Variants in SCHIP1 observed in about 807,000 individuals in gnomAD.
SCHIP1 encodes schwannomin interacting protein 1.
Under a neutral mutation model 29.7 loss-of-function variants are expected in SCHIP1, and 8 were observed. That is an observed-to-expected ratio of 0.27 (90% CI 0.16 to 0.49). SCHIP1 has a LOEUF of 0.49. SCHIP1 is among the 20% of genes least tolerant of loss of function. The probability of loss-of-function intolerance (pLI) is 0.99; values close to 1 mark genes in which losing one functional copy is unlikely to be tolerated. For missense variants in SCHIP1, 193 were observed against 294.6 expected (o/e 0.66, Z 2.52); for synonymous variants, 76 against 94.9 (o/e 0.80, Z 1.16).
chr3:159,564,053 A>C, the SCHIP1 span, among the ~76,000 whole-genome samples: 1 of 152,098 alleles, frequency 6.6e-6, no homozygotes, highest in African/African-American at 2.4e-5. Context: ...TTCTCAGCCA[A>C]ATCATGCACT....
the SCHIP1 span, among the ~76,000 whole-genome samples, chr3:159,385,217 C>G: frequency 4.6e-5 from 7 of 152,110 alleles, no homozygotes; most frequent in African/African-American, 7.2e-5. Flanking sequence ...TAAGATCACA[C>G]CAGTTCATAA....
chr3:159,392,762 G>T, the SCHIP1 span, among the ~76,000 whole-genome samples: 1 of 151,944 alleles, frequency 6.6e-6, no homozygotes, highest in Non-Finnish European at 1.5e-5. Flanking sequence ...GAATAGAGCC[G>T]CAATAAACAT....
chr3:159,623,236 T>C, the SCHIP1 span, among the ~76,000 whole-genome samples: 1 of 152,126 alleles, frequency 6.6e-6, no homozygotes, highest in Non-Finnish European at 1.5e-5. Flanking sequence ...TAAATGTATA[T>C]AGACAAGACC....
At chr3:159,683,937 T>C in the SCHIP1 span, among the ~76,000 whole-genome samples, 1 of 152,236 alleles carries the variant, frequency 6.6e-6, no homozygotes, top group African/African-American at 2.4e-5. Flanking sequence ...TCTCTCTCTG[T>C]ATTAATCATG....
At chr3:159,868,229 T>C (rs1226341104) in intron 2 of SCHIP1, among the ~76,000 whole-genome samples, 1 of 151,686 alleles carries the variant, frequency 6.6e-6, no homozygotes, top group Non-Finnish European at 1.5e-5. Context: ...ATACTCCAGA[T>C]ATATTTATAT....
the SCHIP1 span, among the ~76,000 whole-genome samples, chr3:159,474,089 T>G: frequency 2.0e-5 from 3 of 152,154 alleles, no homozygotes; most frequent in Non-Finnish European, 4.4e-5. Context: ...TTAAGTGTAT[T>G]GATCTCCTTT....
chr3:159,657,776 G>T, the SCHIP1 span, among the ~76,000 whole-genome samples: 1 of 152,194 alleles, frequency 6.6e-6, no homozygotes, highest in African/African-American at 2.4e-5. Flanking sequence ...GGATTTGAGG[G>T]GTCCTTGGAG....
chr3:159,509,075 G>A, the SCHIP1 span, among the ~76,000 whole-genome samples: 5,636 of 152,242 alleles, frequency 0.037, 150 homozygotes, highest in South Asian at 0.077. Context: ...GGGTGTTAAA[G>A]TCTCCCATTA....
the SCHIP1 span, among the ~76,000 whole-genome samples, chr3:159,654,802 T>TAAAAAAAAAAAAAAAAAAAAAAAA: frequency 9.6e-6 from 1 of 103,806 alleles, no homozygotes; most frequent in Non-Finnish European, 2.0e-5. Flanking sequence ...TGACTTTAAG[T>TAAAAAAAAAAAAAAAAAAAAAAAA]AAAAAAAAAA....
At chr3:159,474,725 G>T in the SCHIP1 span, among the ~76,000 whole-genome samples, 1 of 152,114 alleles carries the variant, frequency 6.6e-6, no homozygotes, top group Non-Finnish European at 1.5e-5. Context: ...AAGAACTAAA[G>T]AATTCATATC....
the SCHIP1 span, among the ~76,000 whole-genome samples, chr3:159,279,215 A>G: frequency 1.3e-5 from 2 of 152,152 alleles, no homozygotes; most frequent in Non-Finnish European, 2.9e-5. Flanking sequence ...TGCTGTTCTC[A>G]TGATAGTGAG....
At chr3:159,692,026 T>G in the SCHIP1 span, among the ~76,000 whole-genome samples, 1 of 143,394 alleles carries the variant, frequency 7.0e-6, no homozygotes, top group Non-Finnish European at 1.5e-5. Context: ...TTTTTTTTTT[T>G]TTTTTTTTTT....
chr3:159,691,088 T>G, the SCHIP1 span, among the ~76,000 whole-genome samples: 4 of 152,172 alleles, frequency 2.6e-5, no homozygotes, highest in African/African-American at 4.8e-5. Context: ...GGTGGAGAGT[T>G]CTATAGATGT....
the SCHIP1 span, among the ~76,000 whole-genome samples, chr3:159,403,407 C>T: frequency 6.6e-6 from 1 of 151,958 alleles, no homozygotes; most frequent in Non-Finnish European, 1.5e-5. Context: ...AAAAAACAGT[C>T]TCGAATTGTC....
chr3:159,482,268 T>C, the SCHIP1 span, among the ~76,000 whole-genome samples: 1 of 152,156 alleles, frequency 6.6e-6, no homozygotes, highest in Non-Finnish European at 1.5e-5. Context: ...TTTGCCTGCA[T>C]AGGTAAAAGA....
chr3:159,518,650 T>G, the SCHIP1 span, among the ~76,000 whole-genome samples: 1 of 152,142 alleles, frequency 6.6e-6, no homozygotes, highest in East Asian at 1.9e-4. Flanking sequence ...CATAAAATAC[T>G]GAATGGCTGA....
chr3:159,588,152 A>T, the SCHIP1 span, among the ~76,000 whole-genome samples: 1 of 152,140 alleles, frequency 6.6e-6, no homozygotes, highest in Non-Finnish European at 1.5e-5. Context: ...CTTTTTAATG[A>T]TCACCATTCT....
At chr3:159,401,593 T>C in the SCHIP1 span, among the ~76,000 whole-genome samples, 2 of 152,164 alleles carry the variant, frequency 1.3e-5, no homozygotes, top group African/African-American at 4.8e-5. Flanking sequence ...AAAAGTACTA[T>C]AACCAGTACT....
At chr3:159,434,512 A>G in the SCHIP1 span, among the ~76,000 whole-genome samples, 59 of 152,144 alleles carry the variant, frequency 3.9e-4, no homozygotes, top group African/African-American at 1.3e-3. Flanking sequence ...TGTATCAGCA[A>G]TTCCACTGGG....
Sources: allele counts gnomAD v4.1 joint callset (sites outside exome capture counted in the v4.1 genomes callset), GRCh38; gene constraint gnomAD v4.1.1; transcripts MANE v1.5; gene names NCBI Gene and HGNC (gene_info 2026-07-23, HGNC 2026-07-21).